The following PLEKHD1 variants were observed in gnomAD, a reference collection of about 807,000 sequenced individuals.
The protein encoded by PLEKHD1 is pleckstrin homology and coiled-coil domain containing D1.
Under a neutral mutation model 69.2 loss-of-function variants are expected in PLEKHD1, and 51 were observed. That is an observed-to-expected ratio of 0.74 (90% CI 0.59 to 0.93). The LOEUF is 0.93. Among genes scored for constraint, PLEKHD1 ranks in the 40% least tolerant of loss-of-function variants. The pLI is 0.00. For synonymous variants in PLEKHD1, 236 were observed against 244.7 expected (o/e 0.96, Z 0.33); for missense variants, 584 against 641.0 (o/e 0.91, Z 0.96).
the PLEKHD1 span, among the ~76,000 whole-genome samples, chr14:69,473,263 C>T: frequency 6.6e-6 from 1 of 152,116 alleles, no homozygotes; most frequent in Non-Finnish European, 1.5e-5. Context: ...AGTTGGGGAC[C>T]ACTGCTCTAC....
At chr14:69,493,496 C>T (rs1221023715) in intron 1 of PLEKHD1, among the ~76,000 whole-genome samples, 3 of 152,228 alleles carry the variant, frequency 2.0e-5, no homozygotes, top group Middle Eastern at 3.2e-3. Flanking sequence ...AAAACAAGCA[C>T]GTTCACAACT....
At chr14:69,498,705 TG>T (rs1224814747) in intron 1 of PLEKHD1, among the ~76,000 whole-genome samples, 1 of 151,170 alleles carries the variant, frequency 6.6e-6, no homozygotes, top group Admixed American at 6.6e-5. Flanking sequence ...TGGAGTGCAG[TG>T]GCGTGATCTT....
At chr14:69,510,290 A>G (rs1883242412) in intron 6 of PLEKHD1, among the ~76,000 whole-genome samples, 1 of 152,232 alleles carries the variant, frequency 6.6e-6, no homozygotes, top group South Asian at 2.1e-4. Flanking sequence ...TTGGGAAATG[A>G]TATCTTGCAA....
chr14:69,472,354 G>T, the PLEKHD1 span, among the ~76,000 whole-genome samples: 1 of 152,146 alleles, frequency 6.6e-6, no homozygotes, highest in African/African-American at 2.4e-5. Flanking sequence ...CTTGTGTCTG[G>T]AATGCTCTTC....
chr14:69,482,800 A>T (rs1009849089), upstream of PLEKHD1, among the ~76,000 whole-genome samples: 1 of 152,094 alleles, frequency 6.6e-6, no homozygotes, highest in Admixed American at 6.5e-5. Context: ...GGACACCTGT[A>T]ATCCCAGCAT....
chr14:69,490,046 T>C (rs1008997718), intron 1 of PLEKHD1, among the ~76,000 whole-genome samples: 1 of 152,160 alleles, frequency 6.6e-6, no homozygotes, highest in African/African-American at 2.4e-5. Flanking sequence ...TTTGTATTTT[T>C]GAGTAGAGAT....
At chr14:69,476,217 C>T in the PLEKHD1 span, among the ~76,000 whole-genome samples, 4 of 138,478 alleles carry the variant, frequency 2.9e-5, no homozygotes, top group Admixed American at 7.7e-5. Context: ...GAGATCGAGG[C>T]ACTGCATTCC....
chr14:69,474,984 G>A, the PLEKHD1 span, among the ~76,000 whole-genome samples: 21 of 152,146 alleles, frequency 1.4e-4, no homozygotes, highest in Admixed American at 2.6e-4. Flanking sequence ...GCCTCCCAAC[G>A]CTCTGGGATT....
At chr14:69,484,122 C>A (rs761698321), upstream of PLEKHD1, among the ~76,000 whole-genome samples, 1 of 152,242 alleles carries the variant, frequency 6.6e-6, no homozygotes, top group Non-Finnish European at 1.5e-5. Flanking sequence ...ACAGTGAAAC[C>A]CACCTGAGGG....
chr14:69,483,436 G>C (rs1375489351), upstream of PLEKHD1, among the ~76,000 whole-genome samples: 6 of 152,116 alleles, frequency 3.9e-5, no homozygotes, highest in Non-Finnish European at 8.8e-5. Context: ...TAAGTCTACT[G>C]TGCAGAGGTG....
At chr14:69,517,649 CT>C (rs908720137) in intron 6 of PLEKHD1, among the ~76,000 whole-genome samples, 51 of 152,290 alleles carry the variant, frequency 3.3e-4, no homozygotes, top group African/African-American at 1.2e-3. Context: ...GCCTGTCCAG[CT>C]TCCCAGAGTC....
chr14:69,500,161 G>GA lies in PLEKHD1; in HGVS notation c.203dup (p.Ser69GlufsTer3). The GA allele has an allele frequency of 1.3e-6, 2 of 1,550,474 alleles. No homozygotes were observed. Among genetic ancestry groups the GA allele is most frequent in the East Asian group, 2.4e-5 (1 of 40,910 alleles). On this transcript the variant is annotated frameshift_variant, in exon 2 of 13. Transcript: ENST00000322564. LOFTEE classifies it high-confidence loss of function. ...CTTTCTGCTTTACTACTCTGAGAGC[G>GA]AAAAAAAGAGCTTTGAAACCAATAA...
intron 1 of PLEKHD1, among the ~76,000 whole-genome samples, chr14:69,499,423 T>C (rs1351617434): frequency 6.6e-6 from 1 of 152,196 alleles, no homozygotes; most frequent in African/African-American, 2.4e-5. Flanking sequence ...TAGAGGGTGC[T>C]TGGTGGCTCA....
chr14:69,509,452 A>G (rs1883221680), intron 6 of PLEKHD1, among the ~76,000 whole-genome samples: 2 of 152,192 alleles, frequency 1.3e-5, no homozygotes, highest in Admixed American at 6.5e-5. Context: ...CACCTTGATA[A>G]AAATCTTTTT....
intron 6 of PLEKHD1, among the ~76,000 whole-genome samples, chr14:69,516,964 A>G (rs1221882619): frequency 1.3e-5 from 2 of 152,158 alleles, no homozygotes; most frequent in Admixed American, 6.5e-5. Context: ...TCTATTTTAA[A>G]TAGTGAAGTT....
upstream of PLEKHD1, among the ~76,000 whole-genome samples, chr14:69,481,671 T>C (rs142751540): frequency 1.1e-3 from 164 of 152,366 alleles, no homozygotes; most frequent in Middle Eastern, 3.4e-3. Flanking sequence ...TTTTGAACTT[T>C]ATTTTTCTCA....
intron 1 of PLEKHD1, among the ~76,000 whole-genome samples, chr14:69,495,419 G>A (rs566366831): frequency 1.2e-4 from 19 of 152,292 alleles, no homozygotes; most frequent in African/African-American, 4.6e-4. Context: ...CTTACTCAGA[G>A]AAAAAGCCAG....
At chr14:69,498,708 C>A (rs149941250) in intron 1 of PLEKHD1, among the ~76,000 whole-genome samples, 1 of 149,950 alleles carries the variant, frequency 6.7e-6, no homozygotes, top group African/African-American at 2.4e-5. Flanking sequence ...AGTGCAGTGG[C>A]GTGATCTTGG....
chr14:69,479,022 AT>A, the PLEKHD1 span, among the ~76,000 whole-genome samples: 1 of 152,204 alleles, frequency 6.6e-6, no homozygotes, highest in African/African-American at 2.4e-5. Context: ...AGACTGGGCA[AT>A]TTACAAAAGA....
Sources: allele counts gnomAD v4.1 joint callset (sites outside exome capture counted in the v4.1 genomes callset), GRCh38; gene constraint gnomAD v4.1.1; transcripts MANE v1.5; gene names NCBI Gene and HGNC (gene_info 2026-07-23, HGNC 2026-07-21).